The following TFEC variants were observed in gnomAD, a reference collection of about 807,000 sequenced individuals.
TFEC encodes the protein transcription factor EC, also known as class E basic helix-loop-helix protein 34.
Under a neutral mutation model 41.6 loss-of-function variants are expected in TFEC, and 31 were observed. The ratio of observed to expected loss-of-function variants is 0.74; its 90% CI spans 0.56 to 1.01. TFEC has a LOEUF of 1.01. Among genes scored for constraint, TFEC ranks in the 50% least tolerant of loss-of-function variants. TFEC has a pLI of 0.00. For synonymous variants in TFEC, 143 were observed against 140.6 expected (o/e 1.02, Z -0.12); for missense variants, 402 against 404.1 (o/e 0.99, Z 0.04).
Position 116,096,762 on chromosome 7 carries a change from C to A in TFEC, c.198+13946G>T, listed in dbSNP as rs568601110. 2.0e-5 allele frequency among the ~76,000 whole-genome samples: 3 copies of A among 152,196 alleles called. No homozygotes were observed. In the South Asian group the frequency reaches 6.2e-4, roughly 32 times the overall value. On this transcript the variant is annotated intron_variant, in intron 3 of 8. Transcript: ENST00000484212. ...ATTACAATGCCTTCTGATGTGTGCT[C>A]AAAGTATTTAGACAAACTAATATTA...
intron 1 of TFEC, among the ~76,000 whole-genome samples, chr7:116,146,941 G>C (rs578175328): frequency 3.7e-4 from 56 of 152,254 alleles, no homozygotes. Context: ...ATTTTTTGAA[G>C]TGAGTAATGT....
At chr7:115,949,106 C>T in intron 6 of TFEC, among the ~76,000 whole-genome samples, 1 of 152,086 alleles carries the variant, frequency 6.6e-6, no homozygotes, top group East Asian at 1.9e-4. Context: ...ATAATTGCTT[C>T]AAAGAGAATA....
chr7:116,033,641 T>C (rs146820985), upstream of TFEC, among the ~76,000 whole-genome samples: 67 of 152,054 alleles, frequency 4.4e-4, 1 homozygote, highest in East Asian at 0.013. Context: ...AGAGAATAGC[T>C]CTCTCCATTT....
chr7:115,954,641 T>C lies in TFEC; in HGVS notation c.384A>G (p.Glu128=), dbSNP rs147239911. The part of the protein sequence containing the change: ...SSLPMKREIT[E]TDTRALAKER... ...CTTTTGCTAAAGCTCTAGTGTCAGT[T>C]TCTGATCAAAAGAAAAATAATAAAA... The change falls in exon 5 of 8, where the codon GAA becomes GAG. Residue 128 remains glutamate (E), a splice_region_variant and synonymous_variant. Coordinates refer to ENST00000265440, the MANE Select transcript of TFEC (RefSeq NM_012252.4). The C allele has an allele frequency of 9.9e-6, 16 of 1,610,840 alleles. No individual in the cohort carries two copies. The Admixed American group carries it at 1.0e-4, about 10-fold the overall frequency.
intron 3 of TFEC, among the ~76,000 whole-genome samples, chr7:116,081,875 C>T (rs1023273779): frequency 1.3e-5 from 2 of 152,032 alleles, no homozygotes; most frequent in African/African-American, 2.4e-5. Context: ...CTTCATCTTG[C>T]GCCTTTCTTG....
At chr7:116,048,637 A>G (rs1796230690) in intron 3 of TFEC, among the ~76,000 whole-genome samples, 1 of 152,212 alleles carries the variant, frequency 6.6e-6, no homozygotes, top group African/African-American at 2.4e-5. Flanking sequence ...AGAATGCCAC[A>G]AAGATACTCC....
chr7:116,028,163 T>C (rs191283511), intron 1 of TFEC, among the ~76,000 whole-genome samples: 3 of 152,306 alleles, frequency 2.0e-5, no homozygotes, highest in Admixed American at 2.0e-4. Context: ...TCTAATATTC[T>C]CCTGTTCTTC....
intron 3 of TFEC, among the ~76,000 whole-genome samples, chr7:116,095,053 T>A (rs531547104): frequency 1.3e-5 from 2 of 152,324 alleles, no homozygotes; most frequent in Middle Eastern, 3.4e-3. Context: ...TTTTTTCAAC[T>A]TTAATTAACA....
At chr7:116,081,731 A>T (rs1775502494) in intron 3 of TFEC, among the ~76,000 whole-genome samples, 1 of 152,074 alleles carries the variant, frequency 6.6e-6, no homozygotes, top group Non-Finnish European at 1.5e-5. Flanking sequence ...GACTCCACAC[A>T]ATGTATTAGC....
chr7:116,067,798 C>T (rs775253237), intron 3 of TFEC, among the ~76,000 whole-genome samples: 15 of 151,908 alleles, frequency 9.9e-5, no homozygotes, highest in African/African-American at 2.7e-4. Flanking sequence ...CATTCCTCTT[C>T]GGCCTAATAA....
intron 1 of TFEC, among the ~76,000 whole-genome samples, chr7:116,153,305 G>C (rs2116475956): frequency 6.6e-6 from 1 of 152,262 alleles, no homozygotes; most frequent in East Asian, 1.9e-4. Context: ...GCCCAGACTG[G>C]AGTGCACTGG....
In TFEC at chr7:116,055,512, AG is replaced by A. The variant is rs1362220200; in HGVS notation, c.198+55195del. 2.6e-5 allele frequency among the ~76,000 whole-genome samples: 4 copies of A among 152,104 alleles called. No homozygotes were observed. The South Asian group carries it at 6.2e-4, about 24-fold the overall frequency. On this transcript the variant is annotated intron_variant, in intron 3 of 8. Transcript: ENST00000484212. ...GATTTTATAATCCATTAGGACCCTA[AG>A]TGTTTTCATATTATGGACTTTTCCT...
chr7:116,123,579 C>T (rs370518470), intron 1 of TFEC, among the ~76,000 whole-genome samples: 2 of 152,042 alleles, frequency 1.3e-5, no homozygotes, highest in East Asian at 3.9e-4. Flanking sequence ...CAAGCCTGGT[C>T]TAACCCGCAT....
intron 3 of TFEC, among the ~76,000 whole-genome samples, chr7:116,069,274 G>C (rs888291768): frequency 6.6e-6 from 1 of 151,434 alleles, no homozygotes; most frequent in Non-Finnish European, 1.5e-5. Flanking sequence ...CACAGATAAA[G>C]AAGGAAATGA....
intron 1 of TFEC, among the ~76,000 whole-genome samples, chr7:116,147,136 AT>A (rs1798658101): frequency 6.6e-6 from 1 of 152,204 alleles, no homozygotes; most frequent in Admixed American, 6.5e-5. Context: ...TATCTGTCTA[AT>A]TAGAGTTTCA....
intron 3 of TFEC, among the ~76,000 whole-genome samples, chr7:116,064,846 A>G (rs1469165008): frequency 6.6e-6 from 1 of 152,210 alleles, no homozygotes; most frequent in Admixed American, 6.6e-5. Flanking sequence ...TGTTGGCCAC[A>G]GGTACCCCTG....
chr7:116,042,065 G>GA (rs149826046), intron 3 of TFEC, among the ~76,000 whole-genome samples: 19 of 150,440 alleles, frequency 1.3e-4, no homozygotes, highest in South Asian at 6.3e-4. Context: ...TAATTTTAAA[G>GA]AAAAAAAAAC....
At chr7:116,083,372 T>C (rs1321292386) in intron 3 of TFEC, among the ~76,000 whole-genome samples, 1 of 151,866 alleles carries the variant, frequency 6.6e-6, no homozygotes, top group African/African-American at 2.4e-5. Context: ...ATTTGTATAT[T>C]TTGTGCATGA....
At chr7:116,074,239 G>GAC (rs775211821) in intron 3 of TFEC, among the ~76,000 whole-genome samples, 3 of 150,868 alleles carry the variant, frequency 2.0e-5, no homozygotes, top group South Asian at 4.2e-4. Context: ...CACACACACA[G>GAC]ACACACACAC....
Sources: gnomAD v4.1 joint callset for allele counts (sites outside exome capture counted in the v4.1 genomes callset) on GRCh38, gnomAD v4.1.1 for gene constraint, MANE v1.5 for transcripts, NCBI Gene and HGNC (gene_info 2026-07-23, HGNC 2026-07-21) for gene names.